The following RNF141 variants were observed in gnomAD, a reference collection of about 807,000 sequenced individuals.
The protein encoded by RNF141 is C3HC4-like zinc finger protein.
A neutral mutation model predicts 27.4 loss-of-function variants in RNF141; 18 were observed. The observed-to-expected ratio is 0.66, with a 90% CI of 0.45 to 0.97. The LOEUF is 0.97. RNF141 is among the 50% of genes least tolerant of loss of function. The probability of loss-of-function intolerance (pLI) is 0.00; values close to 1 mark genes in which losing one functional copy is unlikely to be tolerated. For missense variants in RNF141, 230 were observed against 279.4 expected (o/e 0.82, Z 1.26); for synonymous variants, 97 against 96.6 (o/e 1.00, Z -0.02).
At chr11:10,531,317 G>A (rs1025382888) in intron 2 of RNF141, among the ~76,000 whole-genome samples, 4 of 149,212 alleles carry the variant, frequency 2.7e-5, no homozygotes, top group Non-Finnish European at 5.9e-5. Context: ...GAAGGTTGTA[G>A]TGAGCCAAGA....
rs756839079 is a variant in RNF141, at chr11:10,519,125, C to T, written c.451G>A (p.Asp151Asn). Reference protein sequence around the residue: ...LWMGRVKQLTDEEECCICMDG... With the variant: ...LWMGRVKQLTNEEECCICMDG... ...ATACAGATACAACACTCCTCCTCAT[C>T]GGTCAGCTGCTTCACCCTGCAATGT... The change falls in exon 5 of 6, where the codon GAT (aspartate) becomes AAT (asparagine). Residue 151 changes from aspartate (D) to asparagine (N), a missense_variant. Asp to Asn is a conservative substitution (Grantham distance 23, BLOSUM62 1). Coordinates refer to ENST00000265981, the MANE Select transcript of RNF141 (RefSeq NM_016422.4). 8.7e-6 allele frequency: 14 copies of T among 1,613,668 alleles called. No individual in the cohort carries two copies. In the East Asian group the frequency reaches 8.9e-5, roughly 10 times the overall value.
At position 10,524,195 on chromosome 11, in the gene RNF141, CA is replaced by C. The variant is rs1254421191; in HGVS notation, c.434+996del. On this transcript the variant is annotated intron_variant, in intron 4 of 5. Coordinates refer to ENST00000265981, the MANE Select transcript of RNF141 (RefSeq NM_016422.4). The stretch of plus-strand genomic sequence containing the variant: ...TCTGGGAGGCCGAGGAGGGCAGGAT[CA>C]TGAGGTTGGGAAATGGAGACCGTCC... 1.2e-4 allele frequency among the ~76,000 whole-genome samples: 19 copies of C among 152,214 alleles called. No individual in the cohort carries two copies. In the South Asian group the frequency reaches 3.7e-3, roughly 30 times the overall value.
chr11:10,534,353 TG>T, intron 1 of RNF141, 148 bp from the exon 2 acceptor site: 1 of 548,516 alleles, frequency 1.8e-6, no homozygotes. Flanking sequence ...TAAATGACTC[TG>T]TTTTCAGATT....
intron 5 of RNF141, 99 bp from the exon 6 acceptor site, chr11:10,515,165 A>G (rs1299447573): frequency 8.3e-6 from 11 of 1,331,070 alleles, no homozygotes; most frequent in Non-Finnish European, 1.1e-5. Context: ...AAAAGGAAAT[A>G]GCATAGAAAT....
intron 4 of RNF141, among the ~76,000 whole-genome samples, chr11:10,521,548 C>T (rs558889819): frequency 1.3e-5 from 2 of 152,282 alleles, no homozygotes; most frequent in African/African-American, 4.8e-5. Flanking sequence ...TTTCCATTCC[C>T]TGTTGTGCTT....
Position 10,513,640 on chromosome 11 carries a change from A to C in RNF141, c.*1276T>G, listed in dbSNP as rs1849820151. ...GCCAAATTATCTTCTAATTTTCATA[A>C]GTATTTTATGTATATACGGTAAAAA... On this transcript the variant is annotated 3_prime_UTR_variant, in exon 6 of 6. Coordinates refer to ENST00000265981, the MANE Select transcript of RNF141 (RefSeq NM_016422.4). The C allele has an allele frequency of 6.6e-6, 1 of 152,150 alleles. No individual in the cohort carries two copies. Among genetic ancestry groups the C allele is most frequent in the Non-Finnish European group, 1.5e-5 (1 of 68,032 alleles). 9.4% of individuals were successfully genotyped at this position (152,150 alleles called of 1,614,324 possible).
chr11:10,534,069 ACT>A lies in RNF141; in HGVS notation c.88_89del (p.Ser30TrpfsTer6). The A allele has an allele frequency of 6.2e-7, 1 of 1,613,540 alleles. No individual in the cohort carries two copies. Among genetic ancestry groups the A allele is most frequent in the South Asian group, 1.1e-5 (1 of 91,060 alleles). ...GAAATTCTTCATAAGTTAAGGAGCC[ACT>A]CTCTCGAACCAACGTAACATGTTTT... is the stretch of plus-strand genomic sequence containing the variant. Reference protein sequence around the residue: ...VAKHVTLVRESGSLTYEEFLG... With the variant: ...VAKHVTLVREXGSLTYEEFLG... On this transcript the variant is annotated frameshift_variant, in exon 2 of 6. Transcript: ENST00000265981. LOFTEE classifies it high-confidence loss of function.
In RNF141 at chr11:10,520,089, T is replaced by C. The variant is rs1289298069; in HGVS notation, c.435-948A>G. 2.6e-5 allele frequency among the ~76,000 whole-genome samples: 4 copies of C among 152,204 alleles called. No individual in the cohort carries two copies. In the East Asian group the frequency reaches 7.7e-4, roughly 29 times the overall value. On this transcript the variant is annotated intron_variant, in intron 4 of 5. Transcript: ENST00000265981. ...CCCGTGGGCCGTGAGTTGAACAAGC[T>C]TGGCCTAGGACATTACTGTATAGCA...
chr11:10,525,334 T>C lies in RNF141; in HGVS notation c.292A>G (p.Met98Val). ...AGTTGAATAAACTGGTATAAATTCA[T>C]GATCCGTGATGCCTCCACAATGCCA... ...SSGIVEASRI[M>V]NLYQFIQLYK... Residue 98 changes from methionine to valine, a missense_variant, in exon 4 of 6, where the codon ATG (methionine) becomes GTG (valine). Coordinates refer to ENST00000265981, the MANE Select transcript of RNF141 (RefSeq NM_016422.4). 3 of 1,606,530 alleles carry C rather than the reference T, an allele frequency of 1.9e-6. No individual in the cohort carries two copies. Among genetic ancestry groups the C allele is most frequent in the Non-Finnish European group, 1.7e-6 (2 of 1,176,556 alleles).
At chr11:10,515,348 A>G (rs1849835047) in intron 5 of RNF141, 3 of 327,594 alleles carry the variant, frequency 9.2e-6, no homozygotes, top group Non-Finnish European at 1.7e-5. Flanking sequence ...ACTTGTCAAT[A>G]TATCTTACAG....
In RNF141 at chr11:10,512,439, G is replaced by A. The variant is rs956533002; in HGVS notation, c.*2477C>T. ...TGGAGCTCATATTGTAAAATAAAAA[G>A]GTTTGGGCCCTATTGAGTCACTGGG... On this transcript the variant is annotated 3_prime_UTR_variant, in exon 6 of 6. Coordinates refer to ENST00000265981, the MANE Select transcript of RNF141 (RefSeq NM_016422.4). 2 of 152,552 alleles carry A rather than the reference G, an allele frequency of 1.3e-5. No individual in the cohort carries two copies. Among genetic ancestry groups the A allele is most frequent in the African/African-American group, 4.8e-5 (2 of 41,420 alleles). 9.4% of individuals were successfully genotyped at this position (152,552 alleles called of 1,614,324 possible). A position where few individuals can be genotyped will look rare whatever the true frequency, so the allele number is the denominator to read the frequency against.
intron 3 of RNF141, among the ~76,000 whole-genome samples, chr11:10,527,609 T>A (rs962045490): frequency 2.6e-5 from 4 of 151,148 alleles, no homozygotes; most frequent in Non-Finnish European, 2.9e-5. Context: ...ATTTCAGTAA[T>A]AACTGTAGCT....
At chr11:10,532,908 CTG>C (rs906743493) in intron 2 of RNF141, among the ~76,000 whole-genome samples, 11 of 152,162 alleles carry the variant, frequency 7.2e-5, no homozygotes, top group Non-Finnish European at 1.6e-4. Context: ...AACAGGAAAA[CTG>C]AGATTCAGAG....
intron 1 of RNF141, among the ~76,000 whole-genome samples, chr11:10,534,818 T>C (rs1017262259): frequency 2.6e-5 from 4 of 152,146 alleles, no homozygotes; most frequent in Admixed American, 6.5e-5. Context: ...TATATTTACA[T>C]CAGCTAAATA....
intron 1 of RNF141, among the ~76,000 whole-genome samples, chr11:10,535,833 C>T (rs1333353844): frequency 1.3e-5 from 2 of 152,182 alleles, no homozygotes; most frequent in Non-Finnish European, 2.9e-5. Context: ...GTATACTACA[C>T]ATTGTCCTTA....
intron 3 of RNF141, among the ~76,000 whole-genome samples, chr11:10,530,384 A>G (rs1222928147): frequency 2.6e-5 from 4 of 152,194 alleles, no homozygotes; most frequent in Non-Finnish European, 5.9e-5. Flanking sequence ...AAAAACAGAG[A>G]TAGAAGATTA....
intron 1 of RNF141, among the ~76,000 whole-genome samples, chr11:10,534,948 C>G (rs911311254): frequency 6.6e-6 from 1 of 151,904 alleles, no homozygotes; most frequent in African/African-American, 2.4e-5. Flanking sequence ...ATTTTAACCA[C>G]CTCACATTTT....
intron 1 of RNF141, among the ~76,000 whole-genome samples, chr11:10,538,277 G>A (rs1298310240): frequency 1.3e-5 from 2 of 152,220 alleles, no homozygotes; most frequent in African/African-American, 4.8e-5. Context: ...GAGAGAGCCT[G>A]CAGAAGTGGT....
chr11:10,526,871 G>C (rs927032485), intron 3 of RNF141, among the ~76,000 whole-genome samples: 1 of 151,946 alleles, frequency 6.6e-6, no homozygotes, highest in Non-Finnish European at 1.5e-5. Flanking sequence ...ATTTTGGGAA[G>C]GTAAAATCTA....
Sources: allele counts gnomAD v4.1 joint callset (sites outside exome capture counted in the v4.1 genomes callset), GRCh38; gene constraint gnomAD v4.1.1; transcripts MANE v1.5; gene names NCBI Gene and HGNC (gene_info 2026-07-23, HGNC 2026-07-21).